CYTH3: variants seen among roughly 807,000 people sequenced by gnomAD.
The protein encoded by CYTH3 is cytohesin 3, also known as cytohesin-3.
A neutral mutation model predicts 55.1 loss-of-function variants in CYTH3; 23 were observed. The observed-to-expected ratio is 0.42, with a 90% CI of 0.30 to 0.59. The LOEUF is 0.59. CYTH3 is among the 20% of genes least tolerant of loss of function. The probability of loss-of-function intolerance (pLI) is 0.20; values close to 1 mark genes in which losing one functional copy is unlikely to be tolerated. For missense variants in CYTH3, 413 were observed against 524.8 expected (o/e 0.79, Z 2.08); for synonymous variants, 249 against 194.9 (o/e 1.28, Z -2.31).
chr7:6,226,762 T>C (rs1779262341), intron 1 of CYTH3, among the ~76,000 whole-genome samples: 1 of 152,064 alleles, frequency 6.6e-6, no homozygotes, highest in African/African-American at 2.4e-5. Context: ...AAGGATGGCA[T>C]TTTTAAAGTC....
At chr7:6,192,473 G>A (rs1443703941) in intron 1 of CYTH3, among the ~76,000 whole-genome samples, 2 of 151,050 alleles carry the variant, frequency 1.3e-5, no homozygotes, top group African/African-American at 4.9e-5. Context: ...CTCCTACCTT[G>A]GCCTCCTAAA....
intron 1 of CYTH3, among the ~76,000 whole-genome samples, chr7:6,191,777 T>C (rs1158158833): frequency 3.3e-5 from 5 of 152,046 alleles, no homozygotes; most frequent in African/African-American, 4.8e-5. Context: ...CATTTAATTA[T>C]ATCAAAGTTA....
chr7:6,178,284 G>A (rs529553738), intron 4 of CYTH3, among the ~76,000 whole-genome samples: 6 of 152,198 alleles, frequency 3.9e-5, no homozygotes, highest in Admixed American at 3.3e-4. Flanking sequence ...CTGTGTCTGC[G>A]AGGAAAACTT....
At chr7:6,244,793 T>C (rs961282797) in intron 1 of CYTH3, among the ~76,000 whole-genome samples, 7 of 151,892 alleles carry the variant, frequency 4.6e-5, no homozygotes, top group South Asian at 2.1e-4. Flanking sequence ...TCTAGTCTTT[T>C]ATTTTATTTT....
At chr7:6,243,545 G>A (rs1318405594) in intron 1 of CYTH3, among the ~76,000 whole-genome samples, 2 of 152,202 alleles carry the variant, frequency 1.3e-5, no homozygotes, top group Non-Finnish European at 2.9e-5. Flanking sequence ...ATCTTAAGGG[G>A]ATGGGTATTT....
At chr7:6,186,302 C>G (rs1424326404) in intron 4 of CYTH3, among the ~76,000 whole-genome samples, 1 of 150,310 alleles carries the variant, frequency 6.7e-6, no homozygotes, top group African/African-American at 2.5e-5. Flanking sequence ...GTGGCGTGAA[C>G]CAGCTCTGCA....
At chr7:6,182,122 A>C (rs79590618) in intron 4 of CYTH3, among the ~76,000 whole-genome samples, 1,943 of 152,160 alleles carry the variant, frequency 0.013, 40 homozygotes, top group African/African-American at 0.044. Flanking sequence ...ATCTAGGCTC[A>C]CTGCAACCTC....
chr7:6,202,806 A>C (rs962463311), intron 1 of CYTH3, among the ~76,000 whole-genome samples: 1 of 152,194 alleles, frequency 6.6e-6, no homozygotes, highest in Non-Finnish European at 1.5e-5. Flanking sequence ...TTTGTTATGC[A>C]GTAAGAAGTA....
At chr7:6,265,377 C>T (rs1462893194) in intron 1 of CYTH3, among the ~76,000 whole-genome samples, 1 of 151,766 alleles carries the variant, frequency 6.6e-6, no homozygotes, top group African/African-American at 2.4e-5. Flanking sequence ...CTTTGGGAGG[C>T]CAAGGCAGGC....
At chr7:6,175,672 C>T (rs914178670) in intron 5 of CYTH3, among the ~76,000 whole-genome samples, 3 of 151,432 alleles carry the variant, frequency 2.0e-5, no homozygotes, top group Non-Finnish European at 2.9e-5. Context: ...CTCAGCCTCC[C>T]GAGTGGCTGG....
intron 1 of CYTH3, among the ~76,000 whole-genome samples, chr7:6,233,493 A>T (rs1779437660): frequency 6.6e-6 from 1 of 152,028 alleles, no homozygotes; most frequent in East Asian, 1.9e-4. Context: ...CATTTCTATT[A>T]AAACTACAAA....
In CYTH3 at chr7:6,163,668, C is replaced by T. The variant is rs1216939173; in HGVS notation, c.*1276G>A. On this transcript the variant is annotated 3_prime_UTR_variant, in exon 13 of 13. Coordinates refer to ENST00000350796, the MANE Select transcript of CYTH3 (RefSeq NM_004227.4). ...GGAGTTTGACCAGTTCCACCACCGGCGTCTATCTGGGTTCTCTACGTGCCG... is the reference window on the plus strand; with the variant it reads ...GGAGTTTGACCAGTTCCACCACCGGTGTCTATCTGGGTTCTCTACGTGCCG... 6.6e-6 allele frequency: 1 copy of T among 152,268 alleles called. No homozygotes were observed. Among genetic ancestry groups the T allele is most frequent in the Non-Finnish European group, 1.5e-5 (1 of 68,104 alleles). The allele number at this position is 152,268 out of a possible 1,614,324, so 9.4% of individuals were successfully genotyped here. A position where few individuals can be genotyped will look rare whatever the true frequency, so the allele number is the denominator to read the frequency against.
chr7:6,178,213 A>C (rs1440114970), intron 4 of CYTH3, among the ~76,000 whole-genome samples: 2 of 152,264 alleles, frequency 1.3e-5, no homozygotes, highest in Non-Finnish European at 2.9e-5. Flanking sequence ...GGTTATTAGA[A>C]ATTATAAAGG....
intron 1 of CYTH3, among the ~76,000 whole-genome samples, chr7:6,228,319 A>G (rs1386194844): frequency 6.6e-6 from 1 of 152,222 alleles, no homozygotes; most frequent in African/African-American, 2.4e-5. Context: ...TTTGCTTTAA[A>G]GCTTATGCTT....
intron 4 of CYTH3, among the ~76,000 whole-genome samples, chr7:6,179,748 C>CCCACACCCCAA (rs1554356289): frequency 1.1e-5 from 1 of 91,282 alleles, no homozygotes; most frequent in African/African-American, 6.2e-5. Flanking sequence ...CCACACACAC[C>CCCACACCCCAA]CCACACCCCC....
intron 4 of CYTH3, 27 bp from the exon 5 acceptor site, chr7:6,177,968 G>A (rs1783391256): frequency 1.2e-5 from 18 of 1,534,498 alleles, no homozygotes; most frequent in South Asian, 3.4e-5. Flanking sequence ...TGGAAGCACT[G>A]GTTAGGAGTG....
Position 6,170,924 on chromosome 7 carries a change from T to C in CYTH3, c.617A>G (p.Asn206Ser). ...CGTGGGCTTGTCACGCACGTTGTGG[T>C]TGTGGAGGCTGGTGTTGAGCATGAT... is the stretch of plus-strand genomic sequence containing the variant. ...AIIMLNTSLH[N>S]HNVRDKPTAE... The change falls in exon 8 of 13, where the codon AAC becomes AGC. Residue 206 changes from asparagine (N) to serine (S), a missense_variant. Asn to Ser is a conservative substitution (Grantham distance 46). Coordinates refer to ENST00000350796, the MANE Select transcript of CYTH3 (RefSeq NM_004227.4). This position sits in a 1 kb window ranked among gnomAD's most constrained non-coding sequence, Gnocchi z 7.8. 6.2e-7 allele frequency: 1 copy of C among 1,613,976 alleles called. No individual in the cohort carries two copies. The highest frequency in any genetic ancestry group is 8.5e-7 in the Non-Finnish European group (1 of 1,179,912).
At chr7:6,223,835 C>CAAAAAAAAAAAAAAAAAAAA (rs1779158915) in intron 1 of CYTH3, among the ~76,000 whole-genome samples, 1 of 18,030 alleles carries the variant, frequency 5.5e-5, no homozygotes, top group Non-Finnish European at 9.0e-5. Flanking sequence ...TCAATAAATA[C>CAAAAAAAAAAAAAAAAAAAA]TAAAAAAAAA....
At chr7:6,262,137 C>T (rs768475629) in intron 1 of CYTH3, among the ~76,000 whole-genome samples, 1 of 152,032 alleles carries the variant, frequency 6.6e-6, no homozygotes, top group Non-Finnish European at 1.5e-5. Context: ...GAAGAAGATA[C>T]AGAGTGAACG....
Sources: allele counts gnomAD v4.1 joint callset (sites outside exome capture counted in the v4.1 genomes callset), GRCh38; gene constraint gnomAD v4.1.1; non-coding constraint Gnocchi (gnomAD v3.1); transcripts MANE v1.5; gene names NCBI Gene and HGNC (gene_info 2026-07-23, HGNC 2026-07-21).